The following ATP11A variants were observed in gnomAD, a reference collection of about 807,000 sequenced individuals.
The protein encoded by ATP11A is phospholipid-transporting ATPase IH.
ATP11A carries 81 observed loss-of-function variants against 154.4 expected under a neutral mutation model. That is an observed-to-expected ratio of 0.52 (90% CI 0.44 to 0.63). The LOEUF is 0.63. ATP11A is among the 30% of genes least tolerant of loss of function. The pLI is 0.00. For synonymous variants in ATP11A, 623 were observed against 585.9 expected, an observed-to-expected ratio of 1.06 and a Z score of -0.91; for missense variants, 1,316 against 1,474.3, an observed-to-expected ratio of 0.89 and a Z score of 1.76.
At chr13:112,837,764 A>G (rs1425678663) in intron 16 of ATP11A, among the ~76,000 whole-genome samples, 1 of 152,094 alleles carries the variant, frequency 6.6e-6, no homozygotes, top group Non-Finnish European at 1.5e-5. Flanking sequence ...GAGCAGGGCC[A>G]TCATCAGTGC....
intron 20 of ATP11A, chr13:112,856,952 TCA>T (rs1395602357): frequency 1.3e-5 from 2 of 152,216 alleles, no homozygotes; most frequent in Admixed American, 1.3e-4. Flanking sequence ...CCTAGAGCAT[TCA>T]CAGACCTTCC....
At chr13:112,705,101 A>G (rs549606804) in intron 1 of ATP11A, among the ~76,000 whole-genome samples, 12 of 152,370 alleles carry the variant, frequency 7.9e-5, no homozygotes, top group Admixed American at 1.3e-4. Flanking sequence ...CCATTAAAAT[A>G]TTAGGTAACC....
chr13:112,771,956 C>T (rs1203268004), intron 1 of ATP11A, among the ~76,000 whole-genome samples: 3 of 152,156 alleles, frequency 2.0e-5, no homozygotes, highest in South Asian at 4.2e-4. Context: ...CGTGGTCTTA[C>T]GAGGAGGACT....
Position 112,727,483 on chromosome 13 carries a change from A to G in ATP11A, c.39+37028A>G, listed in dbSNP as rs117404001. Reference sequence around the variant, plus strand: ...ACACAGGAAACAAAGCAAACAACAGAAATAAGAATTGGTCTTTTCCTGGTA... The same window carrying G: ...ACACAGGAAACAAAGCAAACAACAGGAATAAGAATTGGTCTTTTCCTGGTA... On this transcript the variant is annotated intron_variant, in intron 1 of 29. Coordinates refer to ENST00000375645, the MANE Select transcript of ATP11A (RefSeq NM_015205.3). Among the ~76,000 whole-genome samples, 190 of 152,366 alleles carry G rather than the reference A, an allele frequency of 1.2e-3. No individual in the cohort carries two copies. In the East Asian group the frequency reaches 0.013, roughly 10 times the overall value.
chr13:112,871,675 T>C, intron 25 of ATP11A, 60 bp from the exon 26 acceptor site: 1 of 1,522,792 alleles, frequency 6.6e-7, no homozygotes, highest in Non-Finnish European at 9.1e-7. Flanking sequence ...AACTCTTGAT[T>C]GTGAAAGAGA....
At chr13:112,781,550 G>A (rs574771603) in intron 1 of ATP11A, among the ~76,000 whole-genome samples, 6 of 152,232 alleles carry the variant, frequency 3.9e-5, no homozygotes, top group Admixed American at 1.3e-4. Context: ...TGACGGACGC[G>A]TGGTGTGAGG....
chr13:112,871,896 A>G (rs2080534402), intron 26 of ATP11A, 96 bp downstream of exon 26: 4 of 1,324,558 alleles, frequency 3.0e-6, no homozygotes, highest in Non-Finnish European at 4.3e-6. Context: ...ATAACTCTGT[A>G]CTGAGGCTGG....
In ATP11A at chr13:112,707,752, C is replaced by T. The variant is rs143620564; in HGVS notation, c.39+17297C>T. ...CATTTCTCGATCAGATTGTAACGTG[C>T]GCCGAAAAGTGGATCTTATATGACA... On this transcript the variant is annotated intron_variant, in intron 1 of 29. Transcript: ENST00000375645. Among the ~76,000 whole-genome samples the T allele has an allele frequency of 8.5e-5, 13 of 152,236 alleles. No individual in the cohort carries two copies. In the East Asian group the frequency reaches 9.6e-4, roughly 11 times the overall value.
At chr13:112,731,421 C>G (rs1289751139) in intron 1 of ATP11A, among the ~76,000 whole-genome samples, 1 of 150,400 alleles carries the variant, frequency 6.6e-6, no homozygotes, top group Non-Finnish European at 1.5e-5. Flanking sequence ...CCACACACTT[C>G]ATTCCCACTC....
intron 1 of ATP11A, among the ~76,000 whole-genome samples, chr13:112,723,285 T>C (rs867819269): frequency 1.1e-3 from 12 of 11,386 alleles, no homozygotes; most frequent in Non-Finnish European, 1.6e-3. Flanking sequence ...GCCACAGAGT[T>C]CCCCACCTCC....
chr13:112,782,219 G>A (rs73567155), intron 1 of ATP11A, among the ~76,000 whole-genome samples: 2,623 of 152,274 alleles, frequency 0.017, 69 homozygotes, highest in African/African-American at 0.058. Context: ...GTTCCTCCAT[G>A]AGACAGGGTC....
chr13:112,853,244 CTCTA>C (rs1343180708), intron 18 of ATP11A, among the ~76,000 whole-genome samples: 3 of 151,632 alleles, frequency 2.0e-5, no homozygotes, highest in East Asian at 3.9e-4. Context: ...CTTTCTCTCT[CTCTA>C]TATATATATA....
chr13:112,711,222 G>T (rs1887710504), intron 1 of ATP11A, among the ~76,000 whole-genome samples: 2 of 152,218 alleles, frequency 1.3e-5, no homozygotes, highest in South Asian at 4.1e-4. Flanking sequence ...CTGAAATTTA[G>T]AAGGTAGTAT....
intron 1 of ATP11A, among the ~76,000 whole-genome samples, chr13:112,773,654 T>C (rs867754268): frequency 2.0e-5 from 3 of 152,210 alleles, no homozygotes; most frequent in Admixed American, 1.3e-4. Flanking sequence ...TCCTGTGCTC[T>C]TTTGGGTAAC....
At position 112,883,448 on chromosome 13, in the gene ATP11A, C is replaced by G. The variant is rs566027391; in HGVS notation, c.*1582C>G. 4.0e-4 allele frequency: 146 copies of G among 368,366 alleles called. No individual in the cohort carries two copies. The highest frequency in any genetic ancestry group is 5.9e-4 in the Non-Finnish European group (122 of 207,392). The allele number at this position is 368,366 out of a possible 1,614,324, so 22.8% of individuals were successfully genotyped here. On this transcript the variant is annotated 3_prime_UTR_variant, in exon 30 of 30. Coordinates refer to ENST00000375645, the MANE Select transcript of ATP11A (RefSeq NM_015205.3). ...CGGCCCTCACGCCCGCCCCGCGCCA[C>G]GCTGTGGAACGGGGCTCCGGCAAGT...
Position 112,709,617 on chromosome 13 carries a change from C to A in ATP11A, c.39+19162C>A, listed in dbSNP as rs561711945. On this transcript the variant is annotated intron_variant, in intron 1 of 29. Coordinates refer to ENST00000375645, the MANE Select transcript of ATP11A (RefSeq NM_015205.3). ...CTGTCATCCCAGGTCTTCAGATAAA[C>A]TCAACCAATTGTCAACCAGAAGATG... 2.6e-4 allele frequency among the ~76,000 whole-genome samples: 40 copies of A among 152,372 alleles called. No homozygotes were observed. In the South Asian group the frequency reaches 7.5e-3, roughly 28 times the overall value.
intron 17 of ATP11A, among the ~76,000 whole-genome samples, chr13:112,846,288 G>A (rs1266285280): frequency 6.6e-6 from 1 of 152,066 alleles, no homozygotes; most frequent in East Asian, 1.9e-4. Context: ...GTACTCAACT[G>A]CCGGATGTTG....
chr13:112,831,175 T>C (rs1344737693), intron 12 of ATP11A, among the ~76,000 whole-genome samples, 200 bp from the exon 13 acceptor site: 2 of 152,178 alleles, frequency 1.3e-5, no homozygotes, highest in Non-Finnish European at 2.9e-5. Context: ...TGCAGGGTCC[T>C]GTTGGACGCT....
chr13:112,853,214 C>G (rs967750538), intron 18 of ATP11A, among the ~76,000 whole-genome samples: 20 of 152,096 alleles, frequency 1.3e-4, no homozygotes, highest in African/African-American at 4.6e-4. Context: ...AAGGCGTTCT[C>G]TCGTTCTCTT....
Sources: allele counts gnomAD v4.1 joint callset (sites outside exome capture counted in the v4.1 genomes callset), GRCh38; gene constraint gnomAD v4.1.1; transcripts MANE v1.5; gene names NCBI Gene and HGNC (gene_info 2026-07-23, HGNC 2026-07-21).